Variants in SPATS2L observed in about 807,000 individuals in gnomAD.
The protein encoded by SPATS2L is spermatogenesis associated serine rich 2 like, also known as SPATS2-like protein.
Under a neutral mutation model 59.6 loss-of-function variants are expected in SPATS2L, and 30 were observed. The observed-to-expected ratio is 0.50, with a 90% confidence interval of 0.38 to 0.68. The LOEUF (loss-of-function observed/expected upper bound fraction) is 0.68. SPATS2L is among the 30% of genes least tolerant of loss of function. The probability of loss-of-function intolerance (pLI) is 0.00; values close to 1 mark genes in which losing one functional copy is unlikely to be tolerated. For missense variants in SPATS2L, 615 were observed against 700.0 expected, an observed-to-expected ratio of 0.88 and a Z score of 1.37; for synonymous variants, 252 against 263.5, an observed-to-expected ratio of 0.96 and a Z score of 0.42.
At chr2:200,353,666 C>T (rs1037074143) in intron 2 of SPATS2L, among the ~76,000 whole-genome samples, 3 of 151,928 alleles carry the variant, frequency 2.0e-5, no homozygotes, top group Non-Finnish European at 2.9e-5. Flanking sequence ...CTTAGTTTAG[C>T]TTATCCCTAA....
chr2:200,318,299 ATTCAG>A (rs1293668556), intron 1 of SPATS2L, among the ~76,000 whole-genome samples: 1 of 152,156 alleles, frequency 6.6e-6, no homozygotes, highest in African/African-American at 2.4e-5. Context: ...TGAATGGTGG[ATTCAG>A]TACATGTACT....
chr2:200,336,138 G>T (rs547583655), intron 2 of SPATS2L, among the ~76,000 whole-genome samples: 1 of 152,242 alleles, frequency 6.6e-6, no homozygotes, highest in Admixed American at 6.5e-5. Flanking sequence ...AAAAAGAATG[G>T]CAAAGCTTTG....
intron 1 of SPATS2L, among the ~76,000 whole-genome samples, chr2:200,318,147 C>T (rs1004744273): frequency 1.3e-5 from 2 of 152,186 alleles, no homozygotes; most frequent in African/African-American, 4.8e-5. Context: ...CTGCCCTGAT[C>T]GACAAGTGTT....
At chr2:200,387,756 C>T (rs2105923042) in intron 2 of SPATS2L, among the ~76,000 whole-genome samples, 1 of 152,266 alleles carries the variant, frequency 6.6e-6, no homozygotes, top group African/African-American at 2.4e-5. Flanking sequence ...AAAAAGCATT[C>T]AACATGCAAA....
At position 200,439,157 on chromosome 2, in the gene SPATS2L, G is replaced by A; in HGVS notation, c.481G>A (p.Asp161Asn). The change falls in exon 7 of 13, where the codon GAT becomes AAT. Residue 161 changes from aspartate to asparagine, a missense_variant. Transcript: ENST00000409140. ...NRLLQQKLSL[D>N]GNPKPIHGTT... ...ACTACTGCAACAGAAACTATCCTTA[G>A]ATGGGAACCCCAAACCTATACATGG... 1 of 1,613,684 alleles carries A rather than the reference G, an allele frequency of 6.2e-7. No individual in the cohort carries two copies.
chr2:200,465,605 A>G (rs2086535961), intron 9 of SPATS2L, among the ~76,000 whole-genome samples: 2 of 152,230 alleles, frequency 1.3e-5, no homozygotes, highest in Admixed American at 1.3e-4. Context: ...GCCACATGGT[A>G]TTGTAAATGG....
chr2:200,394,792 C>T (rs1047697087), intron 3 of SPATS2L, among the ~76,000 whole-genome samples: 3 of 152,136 alleles, frequency 2.0e-5, no homozygotes, highest in South Asian at 2.1e-4. Context: ...GGGTTACTTA[C>T]GTTGACCACC....
chr2:200,423,676 G>C (rs2083405473), intron 6 of SPATS2L, among the ~76,000 whole-genome samples: 1 of 152,186 alleles, frequency 6.6e-6, no homozygotes, highest in Admixed American at 6.5e-5. Context: ...TTCTGTGCTT[G>C]AGTGAGTTCA....
Position 200,349,005 on chromosome 2 carries a change from G to A in SPATS2L, c.-23+19525G>A, listed in dbSNP as rs149883214. Among the ~76,000 whole-genome samples, 1,190 of 152,178 alleles carry A rather than the reference G, an allele frequency of 7.8e-3. 30 individuals carry two copies. Among genetic ancestry groups the A allele is most frequent in the Non-Finnish European group, 5.6e-3 (381 of 68,018 alleles). On this transcript the variant is annotated intron_variant, in intron 2 of 12. Transcript: ENST00000409140. ...GAGAGTCAGTATTGGCATATCCTAGGTGCTTTTACTATCTTAGGATCTTGT... is the reference window on the plus strand; with the variant it reads ...GAGAGTCAGTATTGGCATATCCTAGATGCTTTTACTATCTTAGGATCTTGT...
chr2:200,460,756 AAATAAT>A (rs1227430772), intron 9 of SPATS2L: 2 of 151,880 alleles, frequency 1.3e-5, no homozygotes, highest in South Asian at 2.1e-4. Context: ...ATCTCAAAAA[AAATAAT>A]AATAATAAGA....
In SPATS2L at chr2:200,440,799, G is replaced by C; in HGVS notation, c.788+15G>C. 1 of 1,611,066 alleles carries C rather than the reference G, an allele frequency of 6.2e-7. No individual in the cohort carries two copies. The highest frequency in any genetic ancestry group is 1.3e-5 in the African/African-American group (1 of 74,926). On this transcript the variant is annotated intron_variant, in intron 8 of 12. Coordinates refer to ENST00000409140, the MANE Select transcript of SPATS2L (RefSeq NM_001100423.2). ...TTACACAACTGGTGAGTGATTCAACGTAGGAACCATAAATTTGTGATGCTT... is the reference window on the plus strand; with the variant it reads ...TTACACAACTGGTGAGTGATTCAACCTAGGAACCATAAATTTGTGATGCTT...
At chr2:200,380,133 C>T (rs551620615) in intron 2 of SPATS2L, among the ~76,000 whole-genome samples, 13 of 152,244 alleles carry the variant, frequency 8.5e-5, no homozygotes, top group Middle Eastern at 3.4e-3. Context: ...TAAAGCCTGC[C>T]GTGCGTCCTC....
At chr2:200,475,448 G>T (rs2087440171) in intron 12 of SPATS2L, among the ~76,000 whole-genome samples, 1 of 152,228 alleles carries the variant, frequency 6.6e-6, no homozygotes, top group African/African-American at 2.4e-5. Flanking sequence ...TGGAGGCAAA[G>T]GCGGACAACT....
intron 2 of SPATS2L, among the ~76,000 whole-genome samples, chr2:200,376,872 A>T (rs1462233298): frequency 1.3e-5 from 2 of 152,162 alleles, no homozygotes; most frequent in Non-Finnish European, 2.9e-5. Context: ...ATCAGGTGAC[A>T]GTATGAGTTG....
chr2:200,448,395 T>A (rs1156377046), intron 8 of SPATS2L, among the ~76,000 whole-genome samples: 1 of 152,096 alleles, frequency 6.6e-6, no homozygotes, highest in East Asian at 1.9e-4. Flanking sequence ...TGAGCTGAGA[T>A]CACACCACCG....
At chr2:200,395,760 C>T (rs1574382000) in intron 3 of SPATS2L, among the ~76,000 whole-genome samples, 1 of 151,782 alleles carries the variant, frequency 6.6e-6, no homozygotes, top group Non-Finnish European at 1.5e-5. Context: ...TGGCTCACAC[C>T]TGCACTTTGG....
chr2:200,397,408 G>T (rs2082389842), intron 3 of SPATS2L, among the ~76,000 whole-genome samples: 1 of 152,104 alleles, frequency 6.6e-6, no homozygotes, highest in African/African-American at 2.4e-5. Context: ...ATGTTGGAAG[G>T]CTGTAACAAT....
intron 2 of SPATS2L, among the ~76,000 whole-genome samples, chr2:200,383,702 A>C (rs1221733689): frequency 6.6e-6 from 1 of 152,214 alleles, no homozygotes; most frequent in African/African-American, 2.4e-5. Context: ...TCCAGCTTAC[A>C]TTATGATAAT....
chr2:200,404,435 T>C (rs2082627226), intron 3 of SPATS2L, among the ~76,000 whole-genome samples: 1 of 152,258 alleles, frequency 6.6e-6, no homozygotes, highest in South Asian at 2.1e-4. Context: ...GCAAAGATTG[T>C]GTGAGATTCA....
Sources: gnomAD v4.1 joint callset for allele counts (sites outside exome capture counted in the v4.1 genomes callset) on GRCh38, gnomAD v4.1.1 for gene constraint, MANE v1.5 for transcripts, NCBI Gene and HGNC (gene_info 2026-07-23, HGNC 2026-07-21) for gene names.